Variants in STK4 observed in about 807,000 individuals in gnomAD.
STK4 encodes the protein serine/threonine-protein kinase 4.
STK4 carries 30 observed loss-of-function variants against 64.9 expected under a neutral mutation model. The ratio of observed to expected loss-of-function variants is 0.46; its 90% CI spans 0.35 to 0.63. The LOEUF (loss-of-function observed/expected upper bound fraction) is 0.63. Among genes scored for constraint, STK4 ranks in the 20% least tolerant of loss-of-function variants. The pLI is 0.01. For synonymous variants in STK4, 177 were observed against 199.0 expected, an observed-to-expected ratio of 0.89 and a Z score of 0.93; for missense variants, 466 against 598.5, an observed-to-expected ratio of 0.78 and a Z score of 2.31.
intron 9 of STK4, 108 bp downstream of exon 9, chr20:45,001,461 C>T: frequency 7.5e-7 from 1 of 1,332,510 alleles, no homozygotes; most frequent in South Asian, 1.8e-5. Flanking sequence ...TTTCTTTTGT[C>T]ACAACCAAAG....
intron 9 of STK4, among the ~76,000 whole-genome samples, chr20:45,006,387 A>C (rs1250219333): frequency 6.6e-6 from 1 of 151,530 alleles, no homozygotes; most frequent in Non-Finnish European, 1.5e-5. Context: ...GGTGCATACG[A>C]CTGCTCCGGG....
At chr20:44,999,392 T>G (rs568988159) in intron 7 of STK4, among the ~76,000 whole-genome samples, 1 of 152,218 alleles carries the variant, frequency 6.6e-6, no homozygotes, top group Admixed American at 6.5e-5. Context: ...TGAGGTATAC[T>G]GTCCATCTCT....
intron 10 of STK4, among the ~76,000 whole-genome samples, chr20:45,070,885 CAAAAAA>C (rs34886047): frequency 9.2e-6 from 1 of 108,804 alleles, no homozygotes; most frequent in African/African-American, 3.4e-5. Context: ...GACTCCGTCT[CAAAAAA>C]AAAAAAAAAA....
At chr20:45,022,607 G>T (rs1035089507) in intron 9 of STK4, among the ~76,000 whole-genome samples, 4 of 152,160 alleles carry the variant, frequency 2.6e-5, no homozygotes, top group Admixed American at 6.5e-5. Context: ...TTAGACCACA[G>T]AAATGTTATC....
At chr20:44,967,532 A>G (rs746018880) in intron 1 of STK4, among the ~76,000 whole-genome samples, 2 of 152,128 alleles carry the variant, frequency 1.3e-5, no homozygotes, top group African/African-American at 4.8e-5. Context: ...TTGCCACTCT[A>G]CCACATCTGG....
chr20:45,079,505 C>T lies in STK4; in HGVS notation c.*4329C>T, dbSNP rs1980759828. 2 of 152,494 alleles carry T rather than the reference C, an allele frequency of 1.3e-5. 1 individual carries two copies. The highest frequency in any genetic ancestry group is 1.3e-4 in the Admixed American group (2 of 15,282). 9.4% of individuals were successfully genotyped at this position (152,494 alleles called of 1,614,324 possible). On this transcript the variant is annotated 3_prime_UTR_variant, in exon 11 of 11. Transcript: ENST00000372806. ...TCCTGCCCAATCTACATCTCCACCTCACCCCATCTTTTCTTAAGCACTATG... is the reference window on the plus strand; with the variant it reads ...TCCTGCCCAATCTACATCTCCACCTTACCCCATCTTTTCTTAAGCACTATG...
At chr20:45,053,337 A>G (rs1007442131) in intron 10 of STK4, among the ~76,000 whole-genome samples, 3 of 152,200 alleles carry the variant, frequency 2.0e-5, no homozygotes, top group Admixed American at 2.0e-4. Flanking sequence ...AGGTTGCTTA[A>G]AACAGTATCA....
chr20:45,046,592 T>G (rs1051457392), intron 10 of STK4, among the ~76,000 whole-genome samples: 52 of 152,264 alleles, frequency 3.4e-4, no homozygotes, highest in African/African-American at 1.2e-3. Context: ...CACTTGTTCC[T>G]GAATTTTTCT....
At chr20:44,984,977 T>G (rs917555510) in intron 4 of STK4, among the ~76,000 whole-genome samples, 2 of 152,094 alleles carry the variant, frequency 1.3e-5, no homozygotes, top group Non-Finnish European at 2.9e-5. Flanking sequence ...ACTAGAAAAT[T>G]AAAAATTATA....
chr20:44,984,424 G>A (rs1939887544), intron 4 of STK4, among the ~76,000 whole-genome samples: 2 of 151,956 alleles, frequency 1.3e-5, no homozygotes, highest in South Asian at 4.2e-4. Context: ...GGATGGTCTC[G>A]ATTTCCTGAC....
chr20:45,026,749 C>G (rs1382757684), intron 10 of STK4, among the ~76,000 whole-genome samples: 1 of 152,164 alleles, frequency 6.6e-6, no homozygotes, highest in Non-Finnish European at 1.5e-5. Flanking sequence ...TTTCTGAACA[C>G]AGGTGCAGTG....
rs145050318 is a variant in STK4, at chr20:44,992,310, G to A, written c.526-2780G>A. On this transcript the variant is annotated intron_variant, in intron 5 of 10. Coordinates refer to ENST00000372806, the MANE Select transcript of STK4 (RefSeq NM_006282.5). ...GTCTTGCCCTGGCACCCAGGCTGGA[G>A]TACAGTGGCATGATCATGGCTCATT... Among the ~76,000 whole-genome samples the A allele has an allele frequency of 1.4e-4, 22 of 151,826 alleles. No individual in the cohort carries two copies. The East Asian group carries it at 4.3e-3, about 29-fold the overall frequency.
intron 10 of STK4, among the ~76,000 whole-genome samples, chr20:45,062,740 C>T (rs140120469): frequency 0.028 from 4,217 of 151,900 alleles, 141 homozygotes; most frequent in African/African-American, 0.082. Flanking sequence ...GGCTGGAGCG[C>T]GATCTTGGCT....
chr20:45,057,560 G>T (rs1319203381), intron 10 of STK4, among the ~76,000 whole-genome samples: 1 of 152,104 alleles, frequency 6.6e-6, no homozygotes, highest in African/African-American at 2.4e-5. Context: ...TCATGATATT[G>T]TCCCTATTCT....
intron 5 of STK4, among the ~76,000 whole-genome samples, chr20:44,992,037 T>C (rs2067644420): frequency 6.6e-6 from 1 of 152,116 alleles, no homozygotes; most frequent in Non-Finnish European, 1.5e-5. Flanking sequence ...TTGTTACTCC[T>C]ATTTTGTATA....
intron 9 of STK4, among the ~76,000 whole-genome samples, chr20:45,023,094 G>A (rs182328830): frequency 8.5e-5 from 13 of 152,218 alleles, no homozygotes; most frequent in East Asian, 1.9e-4. Flanking sequence ...TCTTGGGACC[G>A]TGTCTCACTC....
At chr20:45,031,904 CAAAAAAAA>C (rs11431524) in intron 10 of STK4, among the ~76,000 whole-genome samples, 2 of 75,660 alleles carry the variant, frequency 2.6e-5, no homozygotes, top group Non-Finnish European at 5.3e-5. Flanking sequence ...GACTTCATCT[CAAAAAAAA>C]AAAAAAAAAA....
At chr20:44,973,683 G>C (rs1257594468) in intron 2 of STK4, among the ~76,000 whole-genome samples, 1 of 152,172 alleles carries the variant, frequency 6.6e-6, no homozygotes, top group Non-Finnish European at 1.5e-5. Context: ...TTGCTCTACT[G>C]TTTACTGGTC....
chr20:45,001,914 C>A (rs1360042746), intron 9 of STK4, among the ~76,000 whole-genome samples: 3 of 152,110 alleles, frequency 2.0e-5, no homozygotes. Flanking sequence ...GTGTTCAGCT[C>A]CTATCTTAGA....
Sources: gnomAD v4.1 joint callset for allele counts (sites outside exome capture counted in the v4.1 genomes callset) on GRCh38, gnomAD v4.1.1 for gene constraint, MANE v1.5 for transcripts, NCBI Gene and HGNC (gene_info 2026-07-23, HGNC 2026-07-21) for gene names.